The following TRIM37 variants were observed in gnomAD, a reference collection of about 807,000 sequenced individuals.
TRIM37 encodes the protein E3 ubiquitin-protein ligase TRIM37.
TRIM37 carries 80 observed loss-of-function variants against 129.8 expected under a neutral mutation model. The observed-to-expected ratio is 0.62, with a 90% CI of 0.51 to 0.74. The LOEUF (loss-of-function observed/expected upper bound fraction) is 0.74. Among genes scored for constraint, TRIM37 ranks in the 30% least tolerant of loss-of-function variants. The probability of loss-of-function intolerance (pLI) is 0.00; values close to 1 mark genes in which losing one functional copy is unlikely to be tolerated. For missense variants in TRIM37, 1,054 were observed against 1,176.5 expected (o/e 0.90, Z 1.52); for synonymous variants, 389 against 387.1 (o/e 1.00, Z -0.06).
At chr17:59,064,277 C>T (rs1327534434) in intron 10 of TRIM37, 78 bp downstream of exon 10, 7 of 1,102,830 alleles carry the variant, frequency 6.3e-6, no homozygotes, top group Non-Finnish European at 9.3e-6. Context: ...CACTAGATTA[C>T]TGTCTTACCA....
intron 18 of TRIM37, among the ~76,000 whole-genome samples, chr17:59,031,464 GA>G (rs1445148248): frequency 6.6e-6 from 1 of 152,114 alleles, no homozygotes; most frequent in Non-Finnish European, 1.5e-5. Flanking sequence ...CCTTTGCACA[GA>G]AAACAGTGCT....
chr17:59,074,164 T>A lies in TRIM37; in HGVS notation c.684+1483A>T, dbSNP rs557228022. ...TGCTACTACATTACAATGGCTATGA[T>A]GTCATTAGACATCACTACTAGGCAA... is the stretch of plus-strand genomic sequence containing the variant. On this transcript the variant is annotated intron_variant, in intron 8 of 23. Transcript: ENST00000262294. 2.6e-5 allele frequency among the ~76,000 whole-genome samples: 4 copies of A among 152,390 alleles called. No individual in the cohort carries two copies. In the South Asian group the frequency reaches 8.3e-4, roughly 32 times the overall value.
At chr17:59,070,772 G>A in intron 9 of TRIM37, 51 bp downstream of exon 9, 1 of 1,568,230 alleles carries the variant, frequency 6.4e-7, no homozygotes, top group Middle Eastern at 1.7e-4. Flanking sequence ...ACAAGTATAT[G>A]CATTTCCACA....
intron 9 of TRIM37, among the ~76,000 whole-genome samples, chr17:59,067,063 G>A (rs999189487): frequency 5.9e-5 from 9 of 151,530 alleles, no homozygotes; most frequent in Non-Finnish European, 1.2e-4. Flanking sequence ...TTTTTGAGAC[G>A]CAGTCTCGCT....
intron 2 of TRIM37, among the ~76,000 whole-genome samples, chr17:59,094,592 T>C (rs1208629836): frequency 2.0e-5 from 3 of 151,910 alleles, no homozygotes; most frequent in Non-Finnish European, 2.9e-5. Flanking sequence ...TAGCAATATA[T>C]ACTAAGTATC....
At position 59,079,880 on chromosome 17, in the gene TRIM37, A is replaced by G. The variant is rs1176740438; in HGVS notation, c.493-3T>C. 7 of 1,613,668 alleles carry G rather than the reference A, an allele frequency of 4.3e-6. No individual in the cohort carries two copies. In the South Asian group the frequency reaches 7.7e-5, roughly 18 times the overall value. On this transcript the variant is annotated splice_region_variant and splice_polypyrimidine_tract_variant and intron_variant, in intron 6 of 23. Transcript: ENST00000262294. ...CTTACAGCTTCTACATTCCTTTCCT[A>G]GAAGATAAAGAGGTAAGAATAATTT...
At chr17:59,103,579 A>T (rs2045720417) in intron 2 of TRIM37, among the ~76,000 whole-genome samples, 1 of 150,912 alleles carries the variant, frequency 6.6e-6, no homozygotes. Context: ...TGACACCATG[A>T]TCCACCCGCC....
chr17:59,028,440 T>C lies in TRIM37; in HGVS notation c.2232A>G (p.Ser744=), dbSNP rs750813596. ...DLGMELLAKS[S]VANCYIRNST... is the part of the protein sequence containing the mutation. ...AGTTTCGTATGTAACAATTGGCAACTGATGACTTTGCCAGGAGTTCCATTC... is the reference window on the plus strand; with the variant it reads ...AGTTTCGTATGTAACAATTGGCAACCGATGACTTTGCCAGGAGTTCCATTC... The change falls in exon 19 of 24, where the codon TCA becomes TCG. Residue 744 remains serine, a synonymous_variant. Transcript: ENST00000262294. 1 of 1,613,586 alleles carries C rather than the reference T, an allele frequency of 6.2e-7. No individual in the cohort carries two copies. Among genetic ancestry groups the C allele is most frequent in the Non-Finnish European group, 8.5e-7 (1 of 1,180,032 alleles).
chr17:59,061,006 G>C, intron 12 of TRIM37, 26 bp downstream of exon 12: 7 of 1,581,298 alleles, frequency 4.4e-6, no homozygotes, highest in Non-Finnish European at 6.1e-6. Context: ...TGCACATTAA[G>C]GTTGTTATTT....
chr17:59,101,757 T>C (rs898286138), intron 2 of TRIM37, among the ~76,000 whole-genome samples: 2 of 142,646 alleles, frequency 1.4e-5, no homozygotes, highest in Non-Finnish European at 3.0e-5. Flanking sequence ...TATACATATA[T>C]ACACACACAT....
chr17:59,106,431 AC>A lies in TRIM37; in HGVS notation c.21+9del, dbSNP rs775510995. The A allele has an allele frequency of 6.2e-7, 1 of 1,611,518 alleles. No homozygotes were observed. Among genetic ancestry groups the A allele is most frequent in the Admixed American group, 1.7e-5 (1 of 59,892 alleles). On this transcript the variant is annotated intron_variant, in intron 1 of 23. Transcript: ENST00000262294. ...GCGGGGACTAACCACCACCCTCACA[AC>A]CCCCTCACCTCCACGCTCTGTTCAT...
intron 16 of TRIM37, among the ~76,000 whole-genome samples, chr17:59,042,449 A>ATATATATATATAT (rs1302050122): frequency 5.0e-4 from 18 of 36,024 alleles, no homozygotes; most frequent in African/African-American, 1.7e-3. Context: ...AAAAAAAAAA[A>ATATATATATATAT]ATATATATAT....
At chr17:59,004,060 G>A (rs757768973) in intron 22 of TRIM37, among the ~76,000 whole-genome samples, 1 of 152,052 alleles carries the variant, frequency 6.6e-6, no homozygotes, top group African/African-American at 2.4e-5. Flanking sequence ...AGTGAGCTAT[G>A]ATTGTACCAC....
At chr17:59,030,171 T>C (rs1030950586) in intron 18 of TRIM37, among the ~76,000 whole-genome samples, 6 of 152,156 alleles carry the variant, frequency 3.9e-5, no homozygotes, top group Non-Finnish European at 8.8e-5. Flanking sequence ...AATGGCACGA[T>C]CTCGGCTCAC....
At chr17:59,024,233 AAAAAAAT>A (rs1286428244) in intron 19 of TRIM37, among the ~76,000 whole-genome samples, 6 of 151,430 alleles carry the variant, frequency 4.0e-5, no homozygotes, top group African/African-American at 1.5e-4. Context: ...AAAAAAAAAA[AAAAAAAT>A]TGCCACATTG....
the TRIM37 span, among the ~76,000 whole-genome samples, chr17:58,971,321 G>C: frequency 1.3e-5 from 2 of 152,058 alleles, no homozygotes; most frequent in African/African-American, 4.8e-5. Context: ...TTTCTCATTG[G>C]ATACAAGAGA....
intron 11 of TRIM37, among the ~76,000 whole-genome samples, chr17:59,062,066 G>T (rs960228136): frequency 2.0e-5 from 3 of 151,180 alleles, no homozygotes; most frequent in Non-Finnish European, 4.4e-5. Context: ...CATATTGAAA[G>T]ACTTCAATGT....
intron 2 of TRIM37, among the ~76,000 whole-genome samples, chr17:59,101,779 T>C (rs1367322084): frequency 1.4e-5 from 2 of 146,816 alleles, no homozygotes; most frequent in African/African-American, 2.5e-5. Flanking sequence ...TATACATATA[T>C]ATATACAAAA....
At chr17:59,063,073 C>T (rs577912038) in intron 10 of TRIM37, among the ~76,000 whole-genome samples, 7 of 151,828 alleles carry the variant, frequency 4.6e-5, no homozygotes, top group South Asian at 2.1e-4. Flanking sequence ...AACCTTAATA[C>T]GTGTGGGAAA....
Sources: gnomAD v4.1 joint callset for allele counts (sites outside exome capture counted in the v4.1 genomes callset) on GRCh38, gnomAD v4.1.1 for gene constraint, MANE v1.5 for transcripts, NCBI Gene and HGNC (gene_info 2026-07-23, HGNC 2026-07-21) for gene names.